Variants in FGFRL1 observed in about 807,000 individuals in gnomAD.
The protein encoded by FGFRL1 is fibroblast growth factor receptor-like 1.
In FGFRL1, 24 loss-of-function variants were observed where a neutral mutation model predicts 36.8. The observed-to-expected ratio is 0.65, with a 90% CI of 0.47 to 0.92. FGFRL1 has a LOEUF of 0.92. Among genes scored for constraint, FGFRL1 ranks in the 40% least tolerant of loss-of-function variants. FGFRL1 has a pLI of 0.00. For missense variants in FGFRL1, 785 were observed against 753.4 expected, an observed-to-expected ratio of 1.04 and a Z score of -0.49; for synonymous variants, 422 against 344.1, an observed-to-expected ratio of 1.23 and a Z score of -2.50.
Position 1,022,230 on chromosome 4 carries a change from T to C in FGFRL1, c.107T>C (p.Val36Ala), listed in dbSNP as rs1716223382. 1 of 1,553,020 alleles carries C rather than the reference T, an allele frequency of 6.4e-7. No homozygotes were observed. Among genetic ancestry groups the C allele is most frequent in the Non-Finnish European group, 8.7e-7 (1 of 1,146,400 alleles). Reference protein sequence around the residue: ...RGPPKMADKVVPRQVARLGRT... With the variant: ...RGPPKMADKVAPRQVARLGRT... ...CCCCCAAAGATGGCGGACAAGGTGG[T>C]CCCACGGCAGGTGGCCCGGCTGGGC... Residue 36 changes from valine to alanine, a missense_variant, in exon 3 of 7, where the codon GTC becomes GCC. Coordinates refer to ENST00000510644, the MANE Select transcript of FGFRL1 (RefSeq NM_001004356.3).
In FGFRL1 at chr4:1,025,506, C is replaced by A; in HGVS notation, c.*159C>A. 1.3e-6 allele frequency: 1 copy of A among 799,050 alleles called. No homozygotes were observed. The highest frequency in any genetic ancestry group is 2.0e-6 in the Non-Finnish European group (1 of 509,216). 49.5% of individuals were successfully genotyped at this position (799,050 alleles called of 1,614,324 possible). On this transcript the variant is annotated 3_prime_UTR_variant, in exon 7 of 7. Coordinates refer to ENST00000510644, the MANE Select transcript of FGFRL1 (RefSeq NM_001004356.3). The stretch of plus-strand genomic sequence containing the variant: ...GTGAGGCATAGCCCCTGGACACACA[C>A]ACACAGACACACACACTGCCTGGAT...
intron 2 of FGFRL1, among the ~76,000 whole-genome samples, chr4:1,019,386 C>T (rs1716057777): frequency 6.6e-6 from 1 of 152,232 alleles, no homozygotes; most frequent in Non-Finnish European, 1.5e-5. Context: ...GGTAGCCAGC[C>T]AGGAGGCCCA....
chr4:1,014,269 C>G (rs1214553326), intron 2 of FGFRL1, among the ~76,000 whole-genome samples: 1 of 151,866 alleles, frequency 6.6e-6, no homozygotes, highest in Non-Finnish European at 1.5e-5. Flanking sequence ...TTGTCTTAAA[C>G]TGCTTTTTTT....
At position 1,025,326 on chromosome 4, in the gene FGFRL1, G is replaced by C; in HGVS notation, c.1494G>C (p.Gln498His). The C allele has an allele frequency of 6.4e-7, 1 of 1,556,322 alleles. No individual in the cohort carries two copies. Among genetic ancestry groups the C allele is most frequent in the South Asian group, 1.2e-5 (1 of 85,072 alleles). ...CACACGTGGAGGGCAAGGTCCACCA[G>C]CACATCCACTATCAGTGCTAGACGG... is the stretch of plus-strand genomic sequence containing the variant. ...THSHVEGKVH[Q>H]HIHYQC Residue 498 changes from glutamine (Q) to histidine (H), a missense_variant, in exon 7 of 7, where the codon CAG (glutamine) becomes CAC (histidine). By Grantham distance (24) the Gln-to-His change is conservative. Transcript: ENST00000510644.
At chr4:1,013,013 C>T (rs1715686754) in intron 2 of FGFRL1, among the ~76,000 whole-genome samples, 1 of 152,184 alleles carries the variant, frequency 6.6e-6, no homozygotes, top group African/African-American at 2.4e-5. Flanking sequence ...TACTTGGTGT[C>T]TGGGACTGAA....
chr4:1,025,300 T>A lies in FGFRL1; in HGVS notation c.1468T>A (p.Ser490Thr), dbSNP rs1463199863. ...CACACACACACACTCTCACACACAC[T>A]CACACGTGGAGGGCAAGGTCCACCA... ...THTHTHSHTH[S>T]HVEGKVHQHI... is the part of the protein sequence containing the mutation. The change falls in exon 7 of 7, where the codon TCA becomes ACA. Residue 490 changes from serine (S) to threonine (T), a missense_variant. By Grantham distance (58) the Ser-to-Thr change is moderately conservative. Coordinates refer to ENST00000510644, the MANE Select transcript of FGFRL1 (RefSeq NM_001004356.3). 1 of 1,569,694 alleles carries A rather than the reference T, an allele frequency of 6.4e-7. No homozygotes were observed. The highest frequency in any genetic ancestry group is 1.9e-5 in the Admixed American group (1 of 53,642).
rs771759616 is a variant in FGFRL1 at position 1,024,914 on chromosome 4, C to T, written c.1082C>T (p.Pro361Leu). 3.4e-5 allele frequency: 54 copies of T among 1,591,448 alleles called. No homozygotes were observed. Among genetic ancestry groups the T allele is most frequent in the African/African-American group, 5.4e-5 (4 of 74,458 alleles). ...CCTCTCGCTCTTGCAGACCCAAAAC[C>T]GCCAGGGCCACCTGTGGCCTCCTCG... ...AFLTVLPDPK[P>L]PGPPVASSSS... is the part of the protein sequence containing the mutation. Residue 361 changes from proline to leucine, a missense_variant, in exon 7 of 7, where the codon CCG becomes CTG. Physicochemically the swap from Pro to Leu is moderately conservative, Grantham distance 98 (BLOSUM62 -3). Transcript: ENST00000510644.
In FGFRL1 at chr4:1,025,825, G is replaced by C. The variant is rs773993761; in HGVS notation, c.*478G>C. On this transcript the variant is annotated 3_prime_UTR_variant, in exon 7 of 7. Coordinates refer to ENST00000510644, the MANE Select transcript of FGFRL1 (RefSeq NM_001004356.3). ...CACAGATATGCTGCCTGGACACACA[G>C]ATAATGCTGCCTTGACACACACATG... 9.1e-5 allele frequency: 17 copies of C among 186,542 alleles called. No individual in the cohort carries two copies. Among genetic ancestry groups the C allele is most frequent in the East Asian group, 1.6e-4 (1 of 6,174 alleles). 11.6% of individuals were successfully genotyped at this position (186,542 alleles called of 1,614,324 possible). A position where few individuals can be genotyped will look rare whatever the true frequency, so the allele number is the denominator to read the frequency against.
At chr4:1,018,362 G>T (rs554904800) in intron 2 of FGFRL1, among the ~76,000 whole-genome samples, 1 of 152,154 alleles carries the variant, frequency 6.6e-6, no homozygotes, top group Admixed American at 6.5e-5. Flanking sequence ...CAGGGGTGGG[G>T]GGGGCGGCGG....
chr4:1,022,613 C>T (rs527302547), intron 3 of FGFRL1, 138 bp downstream of exon 3: 2 of 1,102,972 alleles, frequency 1.8e-6, no homozygotes, highest in South Asian at 3.3e-5. Context: ...TGCCCTGCCC[C>T]ACCTCAGCTG....
At position 1,024,336 on chromosome 4, in the gene FGFRL1, C is replaced by T; in HGVS notation, c.744C>T (p.Leu248=). Reference sequence around the variant, plus strand: ...AGCGGACCCGTTCCAAGCCCGTGCTCACAGGCACGCACCCCGTGAACACGA... The same window carrying T: ...AGCGGACCCGTTCCAAGCCCGTGCTTACAGGCACGCACCCCGTGAACACGA... ...VIQRTRSKPV[L]TGTHPVNTTV... is the part of the protein sequence containing the mutation. Residue 248 remains leucine, a synonymous_variant, in exon 6 of 7, where the codon CTC becomes CTT. Transcript: ENST00000510644. 1 of 1,607,648 alleles carries T rather than the reference C, an allele frequency of 6.2e-7. No homozygotes were observed. Among genetic ancestry groups the T allele is most frequent in the South Asian group, 1.1e-5 (1 of 90,790 alleles).
chr4:1,025,165 G>A lies in FGFRL1; in HGVS notation c.1333G>A (p.Gly445Arg). ...LAALSAGPGV[G>R]LCEEHGSPAA... ...CGCCCTCAGCGCTGGCCCTGGTGTG[G>A]GGCTGTGTGAGGAGCATGGGTCTCC... is the stretch of plus-strand genomic sequence containing the variant. Residue 445 changes from glycine (G) to arginine (R), a missense_variant, in exon 7 of 7, where the codon GGG becomes AGG. Transcript: ENST00000510644. 3 of 1,610,524 alleles carry A rather than the reference G, an allele frequency of 1.9e-6. No individual in the cohort carries two copies. The highest frequency in any genetic ancestry group is 1.3e-5 in the African/African-American group (1 of 75,020).
intron 6 of FGFRL1, 72 bp downstream of exon 6, chr4:1,024,736 A>C (rs879066499): frequency 2.1e-6 from 3 of 1,459,518 alleles, no homozygotes; most frequent in Non-Finnish European, 1.8e-6. Flanking sequence ...CGTCCCACCC[A>C]CCGGGTGGGG....
At chr4:1,012,401 G>A in intron 1 of FGFRL1, 69 bp from the exon 2 acceptor site, 4 of 1,545,974 alleles carry the variant, frequency 2.6e-6, no homozygotes, top group Non-Finnish European at 3.5e-6. Context: ...TGATCCCCGC[G>A]GCCCGGGACC....
intron 2 of FGFRL1, among the ~76,000 whole-genome samples, chr4:1,020,499 C>A (rs1273805941): frequency 6.6e-6 from 1 of 151,558 alleles, no homozygotes; most frequent in Non-Finnish European, 1.5e-5. Flanking sequence ...CCTGCAGGGT[C>A]TGTGTGTTCT....
At chr4:1,012,607 C>A in intron 2 of FGFRL1, 43 bp downstream of exon 2, 1 of 944,438 alleles carries the variant, frequency 1.1e-6, no homozygotes, top group Non-Finnish European at 1.5e-6. Flanking sequence ...CCTCCGCCAG[C>A]GCCGCCCCCT....
rs1484089724 is a variant in FGFRL1 at position 1,026,446 on chromosome 4, C to T, written c.*1099C>T. On this transcript the variant is annotated 3_prime_UTR_variant, in exon 7 of 7. Coordinates refer to ENST00000510644, the MANE Select transcript of FGFRL1 (RefSeq NM_001004356.3). ...TGCCCGCCTCTGTCCCCGCCTCAGTCCCCGCCTCCATCCCCGCCTCTGTCC... is the reference window on the plus strand; with the variant it reads ...TGCCCGCCTCTGTCCCCGCCTCAGTTCCCGCCTCCATCCCCGCCTCTGTCC... 1.2e-5 allele frequency: 2 copies of T among 163,842 alleles called. No individual in the cohort carries two copies. The highest frequency in any genetic ancestry group is 1.9e-4 in the East Asian group (1 of 5,348). The allele number at this position is 163,842 out of a possible 1,614,324, so 10.1% of individuals were successfully genotyped here.
At chr4:1,015,633 C>T (rs1715849063) in intron 2 of FGFRL1, among the ~76,000 whole-genome samples, 1 of 152,218 alleles carries the variant, frequency 6.6e-6, no homozygotes, top group African/African-American at 2.4e-5. Context: ...GCAGAAGGCT[C>T]AATTACTTCT....
At position 1,026,439 on chromosome 4, in the gene FGFRL1, C is replaced by T. The variant is rs1716540545; in HGVS notation, c.*1092C>T. The T allele has an allele frequency of 6.2e-6, 1 of 162,010 alleles. No individual in the cohort carries two copies. Among genetic ancestry groups the T allele is most frequent in the Non-Finnish European group, 1.3e-5 (1 of 74,496 alleles). 10.0% of individuals were successfully genotyped at this position (162,010 alleles called of 1,614,324 possible). A position where few individuals can be genotyped will look rare whatever the true frequency, so the allele number is the denominator to read the frequency against. On this transcript the variant is annotated 3_prime_UTR_variant, in exon 7 of 7. Coordinates refer to ENST00000510644, the MANE Select transcript of FGFRL1 (RefSeq NM_001004356.3). Reference sequence around the variant, plus strand: ...CCAACTCTGCCCGCCTCTGTCCCCGCCTCAGTCCCCGCCTCCATCCCCGCC... The same window carrying T: ...CCAACTCTGCCCGCCTCTGTCCCCGTCTCAGTCCCCGCCTCCATCCCCGCC...
Sources: gnomAD v4.1 joint callset for allele counts (sites outside exome capture counted in the v4.1 genomes callset) on GRCh38, gnomAD v4.1.1 for gene constraint, MANE v1.5 for transcripts, NCBI Gene and HGNC (gene_info 2026-07-23, HGNC 2026-07-21) for gene names.